NACA: variants seen among roughly 807,000 people sequenced by gnomAD.
NACA encodes nascent polypeptide associated complex subunit alpha.
Under a neutral mutation model 86.4 loss-of-function variants are expected in NACA, and 42 were observed. The ratio of observed to expected loss-of-function variants is 0.49; its 90% CI spans 0.38 to 0.63. The LOEUF is 0.63. Ranked by LOEUF, NACA falls within the 20% of genes least tolerant of loss-of-function variation. The pLI is 0.00. For synonymous variants in NACA, 898 were observed against 973.7 expected, an observed-to-expected ratio of 0.92 and a Z score of 1.45; for missense variants, 2,157 against 2,483.6, an observed-to-expected ratio of 0.87 and a Z score of 2.80.
At chr12:56,723,676 A>T (rs899726225) in intron 2 of NACA, among the ~76,000 whole-genome samples, 1 of 152,228 alleles carries the variant, frequency 6.6e-6, no homozygotes, top group Non-Finnish European at 1.5e-5. Flanking sequence ...ATTTAAAAAA[A>T]ACCAAAAAGG....
chr12:56,714,109 T>G, intron 5 of NACA: 1 of 476,466 alleles, frequency 2.1e-6, no homozygotes, highest in East Asian at 3.9e-5. Context: ...GGCCTTCCAG[T>G]GTGCTGGGAT....
At position 56,717,079 on chromosome 12, in the gene NACA, A is replaced by G; in HGVS notation, c.4451T>C (p.Val1484Ala). The G allele has an allele frequency of 8.5e-7, 1 of 1,175,086 alleles. No homozygotes were observed. The highest frequency in any genetic ancestry group is 1.1e-6 in the Non-Finnish European group (1 of 941,306). The allele number at this position is 1,175,086 out of a possible 1,614,324, so 72.8% of individuals were successfully genotyped here. ...SPKEPPAPKQ[V>A]ATSSSPKKAP... ...CTTTTTGGGAGAGGAAGAAGTGGCA[A>G]CTTGTTTGGGGGCTGGGGGCTCCTT... The change falls in exon 3 of 9, where the codon GTT (valine) becomes GCT (alanine). Residue 1484 changes from valine (V) to alanine (A), a missense_variant. Around this residue, in one of 8 missense-constraint regions of NACA, gnomAD observed 797 missense variants for 777.6 expected, o/e 1.02. Transcript: ENST00000454682.
intron 7 of NACA, 30 bp downstream of exon 7, chr12:56,713,032 A>G: frequency 1.2e-6 from 2 of 1,613,450 alleles, no homozygotes; most frequent in Non-Finnish European, 1.7e-6. Context: ...ATACGGCGAG[A>G]GTTAAATTAT....
chr12:56,713,397 G>A (rs937824270), intron 6 of NACA, 140 bp downstream of exon 6: 1 of 1,274,016 alleles, frequency 7.8e-7, no homozygotes, highest in South Asian at 1.5e-5. Context: ...GGAGATATAT[G>A]GCAATGGAGT....
intron 1 of NACA, chr12:56,724,772 G>C (rs143592453): frequency 4.0e-6 from 2 of 498,110 alleles, no homozygotes; most frequent in South Asian, 2.3e-5. Context: ...GCTGGCTCTC[G>C]ATCATGGGAG....
rs777634557 is a variant in NACA at position 56,724,437 on chromosome 12, G to A, written c.70+15C>T. 1.9e-6 allele frequency: 3 copies of A among 1,604,990 alleles called. No individual in the cohort carries two copies. Among genetic ancestry groups the A allele is most frequent in the Non-Finnish European group, 1.7e-6 (2 of 1,175,760 alleles). ...GTTAATTTTAATTAATGGCAAGGAG[G>A]GTAGGGAAACCTACCTGTCTCAGCC... On this transcript the variant is annotated intron_variant, in intron 2 of 8. Coordinates refer to ENST00000454682, the MANE Select transcript of NACA (RefSeq NM_001365896.1).
intron 7 of NACA, 32 bp downstream of exon 7, chr12:56,713,028 CGA>C (rs1422375022): frequency 6.2e-7 from 1 of 1,613,094 alleles, no homozygotes; most frequent in Non-Finnish European, 8.5e-7. Flanking sequence ...TGCTATACGG[CGA>C]GAGTTAAATT....
In NACA at chr12:56,718,331, G is replaced by C. The variant is rs778500309; in HGVS notation, c.3199C>G (p.Pro1067Ala). 39 of 1,156,318 alleles carry C rather than the reference G, an allele frequency of 3.4e-5. No individual in the cohort carries two copies. Among genetic ancestry groups the C allele is most frequent in the Non-Finnish European group, 3.9e-5 (36 of 923,806 alleles). The allele number at this position is 1,156,318 out of a possible 1,614,324, so 71.6% of individuals were successfully genotyped here. A position where few individuals can be genotyped will look rare whatever the true frequency, so the allele number is the denominator to read the frequency against. Reference protein sequence around the residue: ...PTTPAATLPSPKGGPATPSLK... With the variant: ...PTTPAATLPSAKGGPATPSLK... Reference sequence around the variant, plus strand: ...GATGGGGTAGCTGGACCTCCTTTTGGGGAGGGAAGAGTTGCAGCTGGGGTT... The same window carrying C: ...GATGGGGTAGCTGGACCTCCTTTTGCGGAGGGAAGAGTTGCAGCTGGGGTT... The change falls in exon 3 of 9, where the codon CCA becomes GCA. Residue 1067 changes from proline (P) to alanine (A), a missense_variant. Around this residue, in one of 8 missense-constraint regions of NACA, gnomAD observed 124 missense variants for 186.5 expected, o/e 0.66. Coordinates refer to ENST00000454682, the MANE Select transcript of NACA (RefSeq NM_001365896.1).
Position 56,715,928 on chromosome 12 carries a change from C to G in NACA, c.5602G>C (p.Ala1868Pro), listed in dbSNP as rs1454232512. 3 of 1,523,086 alleles carry G rather than the reference C, an allele frequency of 2.0e-6. No individual in the cohort carries two copies. The African/African-American group carries it at 4.2e-5, about 21-fold the overall frequency. The allele number at this position is 1,523,086 out of a possible 1,614,324, so 94.3% of individuals were successfully genotyped here. A position where few individuals can be genotyped will look rare whatever the true frequency, so the allele number is the denominator to read the frequency against. ...VLVNMPTPKS[A>P]GIPVPTPSAK... Reference sequence around the variant, plus strand: ...GAGGGGGTTGGGACAGGGATTCCAGCAGATTTAGGGGTGGGCATGTTGACG... The same window carrying G: ...GAGGGGGTTGGGACAGGGATTCCAGGAGATTTAGGGGTGGGCATGTTGACG... The change falls in exon 3 of 9, where the codon GCT becomes CCT. Residue 1868 changes from alanine (A) to proline (P), a missense_variant. Transcript: ENST00000454682.
Position 56,718,743 on chromosome 12 carries a change from T to C in NACA, c.2787A>G (p.Gly929=). The C allele has an allele frequency of 6.9e-7, 1 of 1,442,812 alleles. No homozygotes were observed. The allele number at this position is 1,442,812 out of a possible 1,614,324, so 89.4% of individuals were successfully genotyped here. A position where few individuals can be genotyped will look rare whatever the true frequency, so the allele number is the denominator to read the frequency against. The change falls in exon 3 of 9, where the codon GGA becomes GGG. Residue 929 remains glycine (G), a synonymous_variant. Transcript: ENST00000454682. ...CTTTGGGGGATGGGGAAGCTGGGAT[T>C]CCTTTAGGGGCTGGAGTTGCTCGGG... ...KKARATPAPK[G]IPASPSPKGA...
intron 2 of NACA, among the ~76,000 whole-genome samples, chr12:56,724,069 G>A (rs189221411): frequency 2.0e-5 from 3 of 152,180 alleles, no homozygotes; most frequent in African/African-American, 7.2e-5. Context: ...AAACCTTGAT[G>A]CAACTTGCTG....
chr12:56,716,111 C>T lies in NACA; in HGVS notation c.5419G>A (p.Val1807Ile), dbSNP rs763580591. The change falls in exon 3 of 9, where the codon GTT becomes ATT. Residue 1807 changes from valine to isoleucine, a missense_variant. This residue lies in a region of NACA where 797 missense variants were observed against 777.6 expected (regional missense o/e 1.02). Transcript: ENST00000454682. ...PVSLPLAPSP[V>I]PTLPPKQQFL... ...TGCTGTTTAGGAGGCAGAGTGGGAA[C>T]TGGGGAGGGAGCAAGAGGCAGAGAG... The T allele has an allele frequency of 6.2e-7, 1 of 1,613,310 alleles. No homozygotes were observed. Among genetic ancestry groups the T allele is most frequent in the Non-Finnish European group, 8.5e-7 (1 of 1,179,704 alleles).
Position 56,718,715 on chromosome 12 carries a change from C to T in NACA, c.2815G>A (p.Ala939Thr), listed in dbSNP as rs983727646. 6 of 1,432,520 alleles carry T rather than the reference C, an allele frequency of 4.2e-6. No individual in the cohort carries two copies. In the African/African-American group the frequency reaches 4.3e-5, roughly 10 times the overall value. The allele number at this position is 1,432,520 out of a possible 1,614,324, so 88.7% of individuals were successfully genotyped here. A position where few individuals can be genotyped will look rare whatever the true frequency, so the allele number is the denominator to read the frequency against. The change falls in exon 3 of 9, where the codon GCC (alanine) becomes ACC (threonine). Residue 939 changes from alanine (A) to threonine (T), a missense_variant. Transcript: ENST00000454682. ...GIPASPSPKG[A>T]PTPPAATPPS... is the part of the protein sequence containing the mutation. ...GGAGTTGCAGCTGGGGGTGTGGGGGCCCCTTTGGGGGATGGGGAAGCTGGG... is the reference window on the plus strand; with the variant it reads ...GGAGTTGCAGCTGGGGGTGTGGGGGTCCCTTTGGGGGATGGGGAAGCTGGG...
chr12:56,712,962 G>C, intron 7 of NACA, 54 bp from the exon 8 acceptor site: 1 of 1,612,760 alleles, frequency 6.2e-7, no homozygotes, highest in Non-Finnish European at 8.5e-7. Flanking sequence ...AATTTCAGCA[G>C]TTCTTTGGAG....
In NACA at chr12:56,721,037, C is replaced by A. The variant is rs759340411; in HGVS notation, c.493G>T (p.Ala165Ser). 1.3e-5 allele frequency: 21 copies of A among 1,613,884 alleles called. No individual in the cohort carries two copies. In the South Asian group the frequency reaches 2.3e-4, roughly 18 times the overall value. Reference sequence around the variant, plus strand: ...ATCACTGACCCTGACTCAGCTACAGCCACTGAAGGAGGTGAAGTAAGAAGG... The same window carrying A: ...ATCACTGACCCTGACTCAGCTACAGACACTGAAGGAGGTGAAGTAAGAAGG... Reference protein sequence around the residue: ...PNLLTSPPSVAVAESGSVITL... With the variant: ...PNLLTSPPSVSVAESGSVITL... Residue 165 changes from alanine (A) to serine (S), a missense_variant, in exon 3 of 9, where the codon GCT becomes TCT. This residue lies in a region of NACA where 947 missense variants were observed against 917.9 expected (regional missense o/e 1.03). Coordinates refer to ENST00000454682, the MANE Select transcript of NACA (RefSeq NM_001365896.1).
chr12:56,723,248 A>C (rs755821081), intron 2 of NACA, among the ~76,000 whole-genome samples: 1 of 152,234 alleles, frequency 6.6e-6, no homozygotes, highest in Non-Finnish European at 1.5e-5. Context: ...TAAGCCTACT[A>C]TGCAACTCAG....
At chr12:56,712,714 G>T in intron 8 of NACA, 72 bp downstream of exon 8, 2 of 1,608,024 alleles carry the variant, frequency 1.2e-6, no homozygotes, top group Non-Finnish European at 1.7e-6. Flanking sequence ...CTGATATTTA[G>T]CAAGACAAAA....
chr12:56,721,494 A>G, intron 2 of NACA, 35 bp from the exon 3 acceptor site: 15 of 1,310,076 alleles, frequency 1.1e-5, no homozygotes, highest in South Asian at 3.2e-5. Flanking sequence ...AGAAAGGGGG[A>G]GGGGGAGGAG....
chr12:56,717,416 G>T lies in NACA; in HGVS notation c.4114C>A (p.Pro1372Thr). 1 of 1,374,574 alleles carries T rather than the reference G, an allele frequency of 7.3e-7. No individual in the cohort carries two copies. The highest frequency in any genetic ancestry group is 9.6e-7 in the Non-Finnish European group (1 of 1,039,988). 85.1% of individuals were successfully genotyped at this position (1,374,574 alleles called of 1,614,324 possible). Residue 1372 changes from proline to threonine, a missense_variant, in exon 3 of 9, where the codon CCA (proline) becomes ACA (threonine). Pro to Thr is a conservative substitution (Grantham distance 38). Transcript: ENST00000454682. ...CCTTTGTGGGAGGGGGTTGCAGCTG[G>T]GGGAGTGGGGCCCTCTTTGGAGGAT... Reference protein sequence around the residue: ...TPSSKEGPTPPAATPSHKGGP... With the variant: ...TPSSKEGPTPTAATPSHKGGP...
Sources: gnomAD v4.1 joint callset for allele counts (sites outside exome capture counted in the v4.1 genomes callset) on GRCh38, gnomAD v4.1.1 for gene constraint, gnomAD v4.1.1 regional missense constraint, MANE v1.5 for transcripts, NCBI Gene and HGNC (gene_info 2026-07-23, HGNC 2026-07-21) for gene names.